DPPA5: variants seen among roughly 807,000 people sequenced by gnomAD.
DPPA5 encodes the protein developmental pluripotency associated 5.
DPPA5 carries 11 observed loss-of-function variants against 11.3 expected under a neutral mutation model. That is an observed-to-expected ratio of 0.97 (90% CI 0.61 to 1.61). DPPA5 has a LOEUF of 1.61. Among genes scored for constraint, DPPA5 ranks in the 40% most tolerant of loss-of-function variants. The probability of loss-of-function intolerance (pLI) is 0.00; values close to 1 mark genes in which losing one functional copy is unlikely to be tolerated. For synonymous variants in DPPA5, 53 were observed against 59.2 expected, an observed-to-expected ratio of 0.90 and a Z score of 0.48; for missense variants, 132 against 151.8, an observed-to-expected ratio of 0.87 and a Z score of 0.68.
In DPPA5 at chr6:73,354,113, C is replaced by A. The variant is rs567056307; in HGVS notation, c.112+1G>T. On this transcript the variant is annotated splice_donor_variant, in intron 1 of 2. Coordinates refer to ENST00000370370, the MANE Select transcript of DPPA5 (RefSeq NM_001025290.3). LOFTEE classifies it high-confidence loss of function. Reference sequence around the variant, plus strand: ...AGCCCGCCAGTACTGGGCACACTCACCGAAAATGGCTTTCAGCAGCCGCGT... The same window carrying A: ...AGCCCGCCAGTACTGGGCACACTCAACGAAAATGGCTTTCAGCAGCCGCGT... 1.2e-6 allele frequency: 2 copies of A among 1,614,148 alleles called. No homozygotes were observed. The highest frequency in any genetic ancestry group is 2.2e-5 in the South Asian group (2 of 91,086).
intron 1 of DPPA5, 34 bp downstream of exon 1, chr6:73,354,080 G>C: frequency 6.2e-7 from 1 of 1,613,884 alleles, no homozygotes; most frequent in Non-Finnish European, 8.5e-7. Flanking sequence ...AGACTCCCGA[G>C]CCGGGGCAGC....
chr6:73,353,896 C>T lies in DPPA5; in HGVS notation c.249G>A (p.Met83Ile). 1 of 1,614,016 alleles carries T rather than the reference C, an allele frequency of 6.2e-7. No homozygotes were observed. The highest frequency in any genetic ancestry group is 8.5e-7 in the Non-Finnish European group (1 of 1,179,982). Residue 83 changes from methionine (M) to isoleucine (I), a missense_variant, in exon 2 of 3, where the codon ATG becomes ATA. Transcript: ENST00000370370. The part of the protein sequence containing the change: ...SYLYKLRTKW[M>I]LQSMAEWHRQ... ...GGTGCCACTCAGCCATGGACTGGAG[C>T]ATCCACTTGGTCCGGAGCTTGTACA...
At chr6:73,353,490 G>C in intron 2 of DPPA5, 112 bp from the exon 3 acceptor site, 1 of 1,277,348 alleles carries the variant, frequency 7.8e-7, no homozygotes, top group Non-Finnish European at 1.1e-6. Context: ...CAGGCGTTCT[G>C]GGCCTGAGAG....
In DPPA5 at chr6:73,353,850, C is replaced by A; in HGVS notation, c.292+3G>T. 6.2e-7 allele frequency: 1 copy of A among 1,613,020 alleles called. No homozygotes were observed. Among genetic ancestry groups the A allele is most frequent in the South Asian group, 1.1e-5 (1 of 91,028 alleles). On this transcript the variant is annotated splice_donor_region_variant and intron_variant, in intron 2 of 2. Transcript: ENST00000370370. ...CCGCGTACCCAGTCTCTGGGCCTCT[C>A]ACCTCGCTCCTGGCGCTGGCGGTGC...
intron 2 of DPPA5, 115 bp downstream of exon 2, chr6:73,353,738 A>G (rs1437915942): frequency 1.5e-6 from 2 of 1,363,494 alleles, no homozygotes; most frequent in East Asian, 5.0e-5. Context: ...ACCCCTGGTG[A>G]CGCCCAAGGT....
chr6:73,353,304 T>C lies in DPPA5; in HGVS notation c.*16A>G. The C allele has an allele frequency of 6.2e-7, 1 of 1,614,068 alleles. No homozygotes were observed. The highest frequency in any genetic ancestry group is 8.5e-7 in the Non-Finnish European group (1 of 1,180,002). On this transcript the variant is annotated 3_prime_UTR_variant, in exon 3 of 3. Transcript: ENST00000370370. Reference sequence around the variant, plus strand: ...ATCTCTGCAACCCGGCTTCATTGCATTGGCTGGAAACTGGTTCACTTCATC... The same window carrying C: ...ATCTCTGCAACCCGGCTTCATTGCACTGGCTGGAAACTGGTTCACTTCATC...
intron 1 of DPPA5, 25 bp from the exon 2 acceptor site, chr6:73,354,057 C>G (rs1438018738): frequency 6.2e-6 from 10 of 1,613,636 alleles, no homozygotes; most frequent in African/African-American, 1.3e-5. Context: ...AGATGAGATC[C>G]CCGGGCCGGC....
intron 1 of DPPA5, 35 bp from the exon 2 acceptor site, chr6:73,354,067 C>A (rs1768734890): frequency 6.2e-7 from 1 of 1,613,640 alleles, no homozygotes; most frequent in African/African-American, 1.3e-5. Context: ...CCCGGGCCGG[C>A]TGAGACTCCC....
Position 73,353,390 on chromosome 6 carries a change from A to T in DPPA5, c.293-12T>A. The T allele has an allele frequency of 6.2e-7, 1 of 1,614,078 alleles. No individual in the cohort carries two copies. The highest frequency in any genetic ancestry group is 8.5e-7 in the Non-Finnish European group (1 of 1,179,968). On this transcript the variant is annotated splice_polypyrimidine_tract_variant and intron_variant, in intron 2 of 2. Transcript: ENST00000370370. ...AAGTTTGAGCATCCCTGCACCAGAA[A>T]TAGCAACAGCGGCGTGAGTCTGGGG...
chr6:73,353,645 C>A (rs576822703), intron 2 of DPPA5, among the ~76,000 whole-genome samples: 1 of 152,330 alleles, frequency 6.6e-6, no homozygotes, highest in Non-Finnish European at 1.5e-5. Context: ...CATAGTCTCA[C>A]CCCTGGGTCT....
rs1420345853 is a variant in DPPA5, at chr6:73,354,227, T to G, written c.-2A>C. 6.2e-7 allele frequency: 1 copy of G among 1,614,024 alleles called. No individual in the cohort carries two copies. The highest frequency in any genetic ancestry group is 1.7e-5 in the Admixed American group (1 of 60,010). ...TCTACGTGCCGGGAGAGTTCCCATC[T>G]TATGACCCTCACAACCAAGACCACT... On this transcript the variant is annotated 5_prime_UTR_variant, in exon 1 of 3. Coordinates refer to ENST00000370370, the MANE Select transcript of DPPA5 (RefSeq NM_001025290.3).
Position 73,353,845 on chromosome 6 carries a change from C to A in DPPA5, c.292+8G>T. The stretch of plus-strand genomic sequence containing the variant: ...GTGTTCCGCGTACCCAGTCTCTGGG[C>A]CTCTCACCTCGCTCCTGGCGCTGGC... On this transcript the variant is annotated splice_region_variant and intron_variant, in intron 2 of 2. Coordinates refer to ENST00000370370, the MANE Select transcript of DPPA5 (RefSeq NM_001025290.3). 2 of 1,612,584 alleles carry A rather than the reference C, an allele frequency of 1.2e-6. No homozygotes were observed. Among genetic ancestry groups the A allele is most frequent in the South Asian group, 1.1e-5 (1 of 90,964 alleles).
intron 2 of DPPA5, among the ~76,000 whole-genome samples, chr6:73,353,615 C>G (rs1432976208): frequency 6.6e-6 from 1 of 152,182 alleles, no homozygotes; most frequent in African/African-American, 2.4e-5. Flanking sequence ...CCAGTGGGTC[C>G]AGCACCAGCC....
At chr6:73,353,498 G>C (rs1258775677) in intron 2 of DPPA5, 120 bp from the exon 3 acceptor site, 24 of 1,176,398 alleles carry the variant, frequency 2.0e-5, no homozygotes, top group Non-Finnish European at 3.0e-5. Context: ...CTGGGCCTGA[G>C]AGTCAGGCCC....
rs538307015 is a variant in DPPA5 at position 73,354,195 on chromosome 6, G to A, written c.31C>T (p.Pro11Ser). Reference sequence around the variant, plus strand: ...TCTTCGGGAACTTTCACCCACGGCGGGATATGTCTACGTGCCGGGAGAGTT... The same window carrying A: ...TCTTCGGGAACTTTCACCCACGGCGAGATATGTCTACGTGCCGGGAGAGTT... MGTLPARRHIPPWVKVPEDLK... is the reference protein window; with the variant it reads MGTLPARRHISPWVKVPEDLK... The change falls in exon 1 of 3, where the codon CCG becomes TCG. Residue 11 changes from proline to serine, a missense_variant. Coordinates refer to ENST00000370370, the MANE Select transcript of DPPA5 (RefSeq NM_001025290.3). 1.2e-6 allele frequency: 2 copies of A among 1,614,214 alleles called. No homozygotes were observed. Among genetic ancestry groups the A allele is most frequent in the South Asian group, 2.2e-5 (2 of 91,090 alleles).
Position 73,354,196 on chromosome 6 carries a change from G to C in DPPA5, c.30C>G (p.Ile10Met). The change falls in exon 1 of 3, where the codon ATC (isoleucine) becomes ATG (methionine). Residue 10 changes from isoleucine (I) to methionine (M), a missense_variant. Ile to Met is a conservative substitution (Grantham distance 10). Coordinates refer to ENST00000370370, the MANE Select transcript of DPPA5 (RefSeq NM_001025290.3). ...CTTCGGGAACTTTCACCCACGGCGGGATATGTCTACGTGCCGGGAGAGTTC... is the reference window on the plus strand; with the variant it reads ...CTTCGGGAACTTTCACCCACGGCGGCATATGTCTACGTGCCGGGAGAGTTC... The part of the protein sequence containing the change: MGTLPARRH[I>M]PPWVKVPEDL... 1 of 1,614,248 alleles carries C rather than the reference G, an allele frequency of 6.2e-7. No individual in the cohort carries two copies. Among genetic ancestry groups the C allele is most frequent in the Non-Finnish European group, 8.5e-7 (1 of 1,180,046 alleles).
chr6:73,353,411 TG>T, intron 2 of DPPA5, 33 bp from the exon 3 acceptor site: 1 of 1,613,770 alleles, frequency 6.2e-7, no homozygotes. Context: ...GGCGTGAGTC[TG>T]GGGGAAAATA....
Position 73,354,249 on chromosome 6 carries a change from C to T in DPPA5, c.-24G>A, listed in dbSNP as rs374437671. On this transcript the variant is annotated 5_prime_UTR_variant, in exon 1 of 3. Transcript: ENST00000370370. Reference sequence around the variant, plus strand: ...ATCTTATGACCCTCACAACCAAGACCACTCTCCAGCGCAAACCAGGCCTAA... The same window carrying T: ...ATCTTATGACCCTCACAACCAAGACTACTCTCCAGCGCAAACCAGGCCTAA... The T allele has an allele frequency of 6.2e-7, 1 of 1,611,382 alleles. No individual in the cohort carries two copies.
Position 73,353,300 on chromosome 6 carries a change from T to C in DPPA5, c.*20A>G. The C allele has an allele frequency of 6.2e-7, 1 of 1,614,072 alleles. No homozygotes were observed. Among genetic ancestry groups the C allele is most frequent in the Non-Finnish European group, 8.5e-7 (1 of 1,179,992 alleles). On this transcript the variant is annotated 3_prime_UTR_variant, in exon 3 of 3. Coordinates refer to ENST00000370370, the MANE Select transcript of DPPA5 (RefSeq NM_001025290.3). ...CCTAATCTCTGCAACCCGGCTTCAT[T>C]GCATTGGCTGGAAACTGGTTCACTT...
Sources: allele counts gnomAD v4.1 joint callset (sites outside exome capture counted in the v4.1 genomes callset), GRCh38; gene constraint gnomAD v4.1.1; transcripts MANE v1.5; gene names NCBI Gene and HGNC (gene_info 2026-07-23, HGNC 2026-07-21).